Variants in STPG2 observed in about 807,000 individuals in gnomAD.
STPG2 encodes sperm-tail PG-rich repeat-containing protein 2.
A neutral mutation model predicts 54.2 loss-of-function variants in STPG2; 56 were observed. That is an observed-to-expected ratio of 1.03 (90% confidence interval 0.83 to 1.29). The LOEUF (loss-of-function observed/expected upper bound fraction) is 1.29. Among genes scored for constraint, STPG2 ranks in the 50% most tolerant of loss-of-function variants. The pLI is 0.00. For synonymous variants in STPG2, 200 were observed against 181.8 expected (o/e 1.10, Z -0.81); for missense variants, 596 against 544.9 (o/e 1.09, Z -0.93).
At chr4:98,038,601 A>G (rs1371103868) in intron 5 of STPG2, among the ~76,000 whole-genome samples, 2 of 152,082 alleles carry the variant, frequency 1.3e-5, no homozygotes, top group African/African-American at 4.8e-5. Flanking sequence ...GCAAGAATTC[A>G]AAAGAAAATA....
intron 7 of STPG2, among the ~76,000 whole-genome samples, chr4:97,944,995 C>T (rs1272578530): frequency 6.6e-6 from 1 of 152,054 alleles, no homozygotes; most frequent in Non-Finnish European, 1.5e-5. Flanking sequence ...AACATCTAAG[C>T]CAGCATTATT....
Position 97,918,444 on chromosome 4 carries a change from C to T in STPG2, c.1044+25453G>A, listed in dbSNP as rs933484134. 9.9e-5 allele frequency among the ~76,000 whole-genome samples: 15 copies of T among 152,222 alleles called. 1 individual carries two copies. The highest frequency in any genetic ancestry group is 3.6e-4 in the African/African-American group (15 of 41,554). On this transcript the variant is annotated intron_variant, in intron 8 of 10. Coordinates refer to ENST00000295268, the MANE Select transcript of STPG2 (RefSeq NM_174952.3). ...AAGTGATGATGGGTCATTACTTTCA[C>T]ACACACATACACACACACAAACACA...
At chr4:97,936,594 A>G (rs113393604) in intron 8 of STPG2, among the ~76,000 whole-genome samples, 1 of 152,046 alleles carries the variant, frequency 6.6e-6, no homozygotes. Flanking sequence ...TTCCCTCAGC[A>G]TTTGCTTGTC....
At chr4:97,467,139 T>C (rs1040939181) in intron 4 of STPG2, among the ~76,000 whole-genome samples, 12 of 151,986 alleles carry the variant, frequency 7.9e-5, no homozygotes, top group Admixed American at 3.3e-4. Context: ...TAACCCTATC[T>C]TTTGGGGAAG....
intron 5 of STPG2, among the ~76,000 whole-genome samples, chr4:97,984,616 A>T (rs9999450): frequency 0.012 from 1,812 of 152,232 alleles, 17 homozygotes; most frequent in Non-Finnish European, 0.019. Flanking sequence ...ATTTGTTTTC[A>T]GTTTAGTTTT....
intron 4 of STPG2, among the ~76,000 whole-genome samples, chr4:97,474,482 T>C (rs1730023847): frequency 6.6e-6 from 1 of 152,154 alleles, no homozygotes; most frequent in Non-Finnish European, 1.5e-5. Flanking sequence ...AACTAACTTT[T>C]AGTGGCTTTG....
intron 9 of STPG2, among the ~76,000 whole-genome samples, chr4:97,815,128 T>G (rs998240122): frequency 9.9e-5 from 15 of 152,152 alleles, no homozygotes; most frequent in African/African-American, 3.1e-4. Flanking sequence ...GAAGTCAGCT[T>G]TGCTAAAGGC....
At chr4:97,933,552 G>A (rs762178744) in intron 8 of STPG2, among the ~76,000 whole-genome samples, 5 of 152,160 alleles carry the variant, frequency 3.3e-5, no homozygotes, top group Non-Finnish European at 5.9e-5. Context: ...AAGGTGTAAG[G>A]AAGGGATCCA....
At chr4:97,449,197 T>A (rs1729304335) in intron 4 of STPG2, among the ~76,000 whole-genome samples, 1 of 152,166 alleles carries the variant, frequency 6.6e-6, no homozygotes, top group Non-Finnish European at 1.5e-5. Context: ...AAAATTTCTT[T>A]TAAAAAAAGC....
intron 10 of STPG2, among the ~76,000 whole-genome samples, chr4:97,607,522 C>G (rs1578420533): frequency 6.6e-6 from 1 of 152,106 alleles, no homozygotes; most frequent in Non-Finnish European, 1.5e-5. Flanking sequence ...CTCACTCCAT[C>G]CATTTAGAGA....
chr4:97,784,754 TAA>T (rs763947797), intron 9 of STPG2, among the ~76,000 whole-genome samples: 2 of 152,004 alleles, frequency 1.3e-5, no homozygotes, highest in African/African-American at 2.4e-5. Context: ...AATATTTATA[TAA>T]GTTTGGTCTT....
At chr4:97,632,201 T>A (rs1721309845) in intron 10 of STPG2, among the ~76,000 whole-genome samples, 1 of 151,766 alleles carries the variant, frequency 6.6e-6, no homozygotes, top group Non-Finnish European at 1.5e-5. Flanking sequence ...AAAATCACTA[T>A]CAAACTTAAA....
intron 4 of STPG2, among the ~76,000 whole-genome samples, chr4:97,550,957 G>A (rs1262769275): frequency 6.6e-6 from 1 of 151,658 alleles, no homozygotes; most frequent in Non-Finnish European, 1.5e-5. Context: ...CAAAGAGTGA[G>A]CAGCAGCAAG....
At chr4:97,733,854 A>G (rs72879535) in intron 9 of STPG2, among the ~76,000 whole-genome samples, 1 of 151,492 alleles carries the variant, frequency 6.6e-6, no homozygotes, top group Non-Finnish European at 1.5e-5. Flanking sequence ...GTGACGGTTT[A>G]CTCGATATTT....
At chr4:97,490,872 C>T (rs976118730) in intron 4 of STPG2, among the ~76,000 whole-genome samples, 1 of 151,486 alleles carries the variant, frequency 6.6e-6, no homozygotes, top group Non-Finnish European at 1.5e-5. Context: ...TGGCAAAAAG[C>T]ACACAATTAA....
intron 10 of STPG2, among the ~76,000 whole-genome samples, chr4:97,578,671 G>GT (rs1394059124): frequency 6.6e-6 from 1 of 151,606 alleles, no homozygotes; most frequent in African/African-American, 2.4e-5. Flanking sequence ...GGTTTGTTGA[G>GT]TTTTTTCCCC....
At chr4:97,622,252 A>G (rs772678790) in intron 10 of STPG2, among the ~76,000 whole-genome samples, 1 of 152,146 alleles carries the variant, frequency 6.6e-6, no homozygotes, top group Non-Finnish European at 1.5e-5. Context: ...TTCCTATTCA[A>G]CATAGTACTC....
At chr4:97,606,969 C>A (rs1406266696) in intron 10 of STPG2, among the ~76,000 whole-genome samples, 1 of 151,940 alleles carries the variant, frequency 6.6e-6, no homozygotes, top group Non-Finnish European at 1.5e-5. Context: ...CAGTTATCTC[C>A]ATTCTACATG....
At chr4:97,902,451 CAA>C (rs1190657443) in intron 8 of STPG2, among the ~76,000 whole-genome samples, 1 of 152,010 alleles carries the variant, frequency 6.6e-6, no homozygotes, top group Non-Finnish European at 1.5e-5. Context: ...ATAAACTCAA[CAA>C]AAAGAAACAA....
Sources: gnomAD v4.1 joint callset for allele counts (sites outside exome capture counted in the v4.1 genomes callset) on GRCh38, gnomAD v4.1.1 for gene constraint, MANE v1.5 for transcripts, NCBI Gene and HGNC (gene_info 2026-07-23, HGNC 2026-07-21) for gene names.